HS6ST3: variants seen among roughly 807,000 people sequenced by gnomAD.
HS6ST3 encodes heparan sulfate 6-O-sulfotransferase 3.
Under a neutral mutation model 36.7 loss-of-function variants are expected in HS6ST3, and 12 were observed. The observed-to-expected ratio is 0.33, with a 90% CI of 0.21 to 0.53. HS6ST3 has a LOEUF of 0.53. Ranked by LOEUF, HS6ST3 falls within the 20% of genes least tolerant of loss-of-function variation. HS6ST3 has a pLI of 0.95. For synonymous variants in HS6ST3, 240 were observed against 257.5 expected (o/e 0.93, Z 0.65); for missense variants, 584 against 640.9 (o/e 0.91, Z 0.96).
At chr13:96,554,556 C>G (rs2056232167) in intron 1 of HS6ST3, among the ~76,000 whole-genome samples, 1 of 152,130 alleles carries the variant, frequency 6.6e-6, no homozygotes, top group Non-Finnish European at 1.5e-5. Context: ...TGGGCACAAT[C>G]TCCTTATCTG....
chr13:96,483,186 G>C (rs2055897659), intron 1 of HS6ST3, among the ~76,000 whole-genome samples: 1 of 152,154 alleles, frequency 6.6e-6, no homozygotes, highest in Non-Finnish European at 1.5e-5. Flanking sequence ...TTTAACTGTG[G>C]GAATGGTCAG....
chr13:96,520,299 G>T (rs560288340), intron 1 of HS6ST3, among the ~76,000 whole-genome samples: 2 of 151,696 alleles, frequency 1.3e-5, no homozygotes, highest in Non-Finnish European at 2.9e-5. Flanking sequence ...GATGCCTCCA[G>T]CTTTGTTCTT....
chr13:96,757,127 T>C (rs1876850488), intron 1 of HS6ST3, among the ~76,000 whole-genome samples: 1 of 152,210 alleles, frequency 6.6e-6, no homozygotes, highest in Non-Finnish European at 1.5e-5. Context: ...ATAATCTTGC[T>C]TCTTTAAATC....
At chr13:96,416,096 A>T (rs2055531601) in intron 1 of HS6ST3, among the ~76,000 whole-genome samples, 1 of 152,236 alleles carries the variant, frequency 6.6e-6, no homozygotes, top group Admixed American at 6.5e-5. Context: ...AAGCTTGTGC[A>T]CAAATGAAAT....
At chr13:96,551,812 A>G (rs1040850782) in intron 1 of HS6ST3, among the ~76,000 whole-genome samples, 1 of 152,208 alleles carries the variant, frequency 6.6e-6, no homozygotes, top group African/African-American at 2.4e-5. Context: ...ACTTGAGGAA[A>G]TAAGGCTAAT....
At position 96,581,222 on chromosome 13, in the gene HS6ST3, A is replaced by G. The variant is rs571871052; in HGVS notation, c.708-251268A>G. On this transcript the variant is annotated intron_variant, in intron 1 of 1. Transcript: ENST00000376705. ...ACAGTCATTTCATGCAACAACTACT[A>G]TTTTTTTTTTTTTTTGAGACGGAGT... 1.9e-3 allele frequency among the ~76,000 whole-genome samples: 269 copies of G among 142,762 alleles called. 1 individual carries two copies. The highest frequency in any genetic ancestry group is 6.8e-3 in the African/African-American group (264 of 38,684). 93.7% of individuals were successfully genotyped at this position (142,762 alleles called of 152,430 possible).
chr13:96,337,441 C>A (rs1566329819), intron 1 of HS6ST3, among the ~76,000 whole-genome samples: 1 of 152,180 alleles, frequency 6.6e-6, no homozygotes, highest in African/African-American at 2.4e-5. Flanking sequence ...TGGAGTGTCA[C>A]CCTGAGAAGG....
intron 1 of HS6ST3, among the ~76,000 whole-genome samples, chr13:96,324,000 A>G (rs2055017631): frequency 6.6e-6 from 1 of 152,134 alleles, no homozygotes; most frequent in Non-Finnish European, 1.5e-5. Flanking sequence ...TCTTCCCACA[A>G]AGGATATGAG....
chr13:96,769,308 T>C lies in HS6ST3; in HGVS notation c.708-63182T>C, dbSNP rs921477786. Reference sequence around the variant, plus strand: ...TCCTGACTTTATTTATTTATTTTTTTATTATACTTTAAGTTTTAGGGTACA... The same window carrying C: ...TCCTGACTTTATTTATTTATTTTTTCATTATACTTTAAGTTTTAGGGTACA... On this transcript the variant is annotated intron_variant, in intron 1 of 1. Coordinates refer to ENST00000376705, the MANE Select transcript of HS6ST3 (RefSeq NM_153456.4). Among the ~76,000 whole-genome samples the C allele has an allele frequency of 6.4e-4, 98 of 152,212 alleles. 2 individuals carry two copies. Among genetic ancestry groups the C allele is most frequent in the African/African-American group, 2.2e-3 (93 of 41,542 alleles).
intron 1 of HS6ST3, among the ~76,000 whole-genome samples, chr13:96,628,383 C>T (rs577924945): frequency 6.6e-6 from 1 of 151,784 alleles, no homozygotes; most frequent in East Asian, 1.9e-4. Flanking sequence ...CTACGTGATA[C>T]CAATCTTTTG....
chr13:96,382,528 G>A (rs923020874), intron 1 of HS6ST3, among the ~76,000 whole-genome samples: 15 of 152,092 alleles, frequency 9.9e-5, no homozygotes, highest in Admixed American at 4.6e-4. Flanking sequence ...TTACTGAAGC[G>A]TCCTTCTTTC....
chr13:96,222,485 C>T (rs1323356799), intron 1 of HS6ST3, among the ~76,000 whole-genome samples: 1 of 152,170 alleles, frequency 6.6e-6, no homozygotes, highest in Non-Finnish European at 1.5e-5. Context: ...ATCCAAGCAA[C>T]GAGGTAACAA....
At chr13:96,607,453 C>T (rs1363311003) in intron 1 of HS6ST3, among the ~76,000 whole-genome samples, 1 of 152,100 alleles carries the variant, frequency 6.6e-6, no homozygotes, top group Non-Finnish European at 1.5e-5. Context: ...ATTAGAGAAC[C>T]GGCTTGAGAC....
At chr13:96,494,701 A>T (rs2055965928) in intron 1 of HS6ST3, among the ~76,000 whole-genome samples, 1 of 152,040 alleles carries the variant, frequency 6.6e-6, no homozygotes, top group Non-Finnish European at 1.5e-5. Flanking sequence ...GAGGTAAGAG[A>T]TAAGAAAAAG....
At chr13:96,557,100 G>A (rs2056243931) in intron 1 of HS6ST3, among the ~76,000 whole-genome samples, 1 of 152,172 alleles carries the variant, frequency 6.6e-6, no homozygotes, top group Non-Finnish European at 1.5e-5. Context: ...CAGTCCAGCT[G>A]TTCATCAGTA....
intron 1 of HS6ST3, among the ~76,000 whole-genome samples, chr13:96,435,024 A>G (rs1045443304): frequency 1.9e-4 from 29 of 151,850 alleles, no homozygotes; most frequent in East Asian, 1.9e-4. Flanking sequence ...TAAATTTGCA[A>G]TCCTACTACC....
intron 1 of HS6ST3, among the ~76,000 whole-genome samples, chr13:96,721,819 T>G (rs940250527): frequency 6.6e-6 from 1 of 152,174 alleles, no homozygotes; most frequent in South Asian, 2.1e-4. Flanking sequence ...GCAGTGAAAC[T>G]TATGAATAGC....
At chr13:96,666,180 G>T (rs1308171682) in intron 1 of HS6ST3, among the ~76,000 whole-genome samples, 1 of 152,048 alleles carries the variant, frequency 6.6e-6, no homozygotes, top group African/African-American at 2.4e-5. Context: ...AGGAGAAAAA[G>T]CCCCTTATAA....
At chr13:96,793,481 C>T (rs2138521933) in intron 1 of HS6ST3, among the ~76,000 whole-genome samples, 1 of 152,076 alleles carries the variant, frequency 6.6e-6, no homozygotes, top group Non-Finnish European at 1.5e-5. Context: ...GGCAAGCAGA[C>T]CTGGTAGGTG....
Sources: gnomAD v4.1 joint callset for allele counts (sites outside exome capture counted in the v4.1 genomes callset) on GRCh38, gnomAD v4.1.1 for gene constraint, MANE v1.5 for transcripts, NCBI Gene and HGNC (gene_info 2026-07-23, HGNC 2026-07-21) for gene names.